Variants in KAZN observed in about 807,000 individuals in gnomAD.
The protein encoded by KAZN is kazrin.
In KAZN, 40 loss-of-function variants were observed where a neutral mutation model predicts 87.4. The observed-to-expected ratio is 0.46, with a 90% CI of 0.36 to 0.60. KAZN has a LOEUF of 0.60. KAZN is among the 20% of genes least tolerant of loss of function. The probability of loss-of-function intolerance (pLI) is 0.00; values close to 1 mark genes in which losing one functional copy is unlikely to be tolerated. For missense variants in KAZN, 898 were observed against 1,073.9 expected, an observed-to-expected ratio of 0.84 and a Z score of 2.29; for synonymous variants, 466 against 458.3, an observed-to-expected ratio of 1.02 and a Z score of -0.22.
chr1:14,237,559 A>G (rs1199995798), intron 2 of KAZN, among the ~76,000 whole-genome samples: 2 of 152,196 alleles, frequency 1.3e-5, no homozygotes, highest in Admixed American at 6.5e-5. Context: ...GCAATGAGAG[A>G]GAATACTCTG....
chr1:15,040,951 G>C (rs115880263), intron 3 of KAZN, among the ~76,000 whole-genome samples: 7,490 of 151,270 alleles, frequency 0.05, 254 homozygotes, highest in Middle Eastern at 0.11. Context: ...TTTGTTTTTT[G>C]TTTTTTTTAT....
At chr1:15,026,333 G>A (rs1671156932) in intron 2 of KAZN, among the ~76,000 whole-genome samples, 1 of 152,214 alleles carries the variant, frequency 6.6e-6, no homozygotes, top group Non-Finnish European at 1.5e-5. Context: ...AGACGATCAT[G>A]CACAGCTTAA....
At chr1:14,623,481 G>A (rs901544765) in intron 1 of KAZN, among the ~76,000 whole-genome samples, 5 of 152,186 alleles carry the variant, frequency 3.3e-5, no homozygotes, top group South Asian at 2.1e-4. Flanking sequence ...GTGGAGGATC[G>A]GAGGAGGGAG....
intron 2 of KAZN, among the ~76,000 whole-genome samples, chr1:14,261,427 G>T (rs1388021256): frequency 6.6e-6 from 1 of 152,136 alleles, no homozygotes; most frequent in Non-Finnish European, 1.5e-5. Flanking sequence ...AGATACGCTG[G>T]GTCCTCAGGA....
chr1:14,296,932 G>A (rs1400681388), intron 2 of KAZN, among the ~76,000 whole-genome samples: 2 of 152,038 alleles, frequency 1.3e-5, no homozygotes, highest in Non-Finnish European at 2.9e-5. Flanking sequence ...CTTAAAAGGT[G>A]AGTCATGTTA....
intron 1 of KAZN, among the ~76,000 whole-genome samples, chr1:14,905,985 G>A (rs147928390): frequency 4.4e-4 from 67 of 151,218 alleles, no homozygotes; most frequent in African/African-American, 1.6e-3. Context: ...TGGCCAACAC[G>A]GTGAGACCCC....
At chr1:14,530,839 C>T (rs544596059) in intron 2 of KAZN, among the ~76,000 whole-genome samples, 2 of 152,244 alleles carry the variant, frequency 1.3e-5, no homozygotes, top group South Asian at 2.1e-4. Flanking sequence ...AATCCCAGCA[C>T]GTTGGGAGGC....
chr1:14,412,895 CAG>C (rs1435550919), intron 2 of KAZN, among the ~76,000 whole-genome samples: 2 of 150,270 alleles, frequency 1.3e-5, no homozygotes, highest in South Asian at 2.1e-4. Context: ...GATATGGACT[CAG>C]AAATAAATCA....
In KAZN at chr1:15,055,255, T is replaced by C. The variant is rs1412273094; in HGVS notation, c.727-836T>C. Among the ~76,000 whole-genome samples, 3 of 152,302 alleles carry C rather than the reference T, an allele frequency of 2.0e-5. No homozygotes were observed. The East Asian group carries it at 5.8e-4, about 29-fold the overall frequency. ...ACTTTGGGAGGCCGAGGCAGGTGGA[T>C]CACTTGAGGTCAGGAGTTCAAGACC... On this transcript the variant is annotated intron_variant, in intron 4 of 14. Coordinates refer to ENST00000376030, the MANE Select transcript of KAZN (RefSeq NM_201628.3).
chr1:15,036,648 G>C (rs1672368074), intron 3 of KAZN, among the ~76,000 whole-genome samples: 1 of 152,148 alleles, frequency 6.6e-6, no homozygotes, highest in African/African-American at 2.4e-5. Flanking sequence ...TGTCTCAGCA[G>C]CATTGCCTTT....
At chr1:14,099,733 C>T (rs902168102) in intron 1 of KAZN, among the ~76,000 whole-genome samples, 2 of 152,198 alleles carry the variant, frequency 1.3e-5, no homozygotes, top group Non-Finnish European at 2.9e-5. Context: ...CTTGCTTCCT[C>T]CCCTGCCTTT....
chr1:14,394,472 GTAA>G (rs1277443601), intron 2 of KAZN, among the ~76,000 whole-genome samples: 2 of 152,334 alleles, frequency 1.3e-5, no homozygotes, highest in African/African-American at 4.8e-5. Context: ...TCAACATTAT[GTAA>G]TAATAAGTGA....
chr1:14,997,204 CATTTATTT>C (rs35436643), intron 2 of KAZN, among the ~76,000 whole-genome samples: 2,600 of 120,792 alleles, frequency 0.022, 26 homozygotes, highest in Middle Eastern at 0.034. Flanking sequence ...TTCTTTCTTT[CATTTATTT>C]ATTTATTTAT....
At chr1:14,841,776 A>G (rs1648048543) in intron 1 of KAZN, among the ~76,000 whole-genome samples, 1 of 152,192 alleles carries the variant, frequency 6.6e-6, no homozygotes, top group Admixed American at 6.5e-5. Flanking sequence ...ACTGACATCA[A>G]GGCCTCCCTG....
intron 2 of KAZN, among the ~76,000 whole-genome samples, chr1:14,197,721 C>A (rs564781002): frequency 3.3e-5 from 5 of 152,146 alleles, no homozygotes; most frequent in African/African-American, 1.2e-4. Flanking sequence ...AAAAGAAAAA[C>A]CACCACTACC....
chr1:14,320,443 T>C (rs932281804), intron 2 of KAZN, among the ~76,000 whole-genome samples: 79 of 152,214 alleles, frequency 5.2e-4, no homozygotes, highest in African/African-American at 1.9e-3. Flanking sequence ...TCTTTTCTCA[T>C]GTTAGGCTTA....
intron 1 of KAZN, among the ~76,000 whole-genome samples, chr1:14,673,593 A>G (rs1482581820): frequency 1.3e-5 from 2 of 152,108 alleles, no homozygotes; most frequent in East Asian, 3.9e-4. Context: ...TGGAGAAGGA[A>G]GACGTGTTGT....
chr1:14,251,349 G>A (rs1388241106), intron 2 of KAZN, among the ~76,000 whole-genome samples: 2 of 152,156 alleles, frequency 1.3e-5, no homozygotes. Context: ...CCCCGGCATA[G>A]CCTTGTCCTT....
intron 2 of KAZN, among the ~76,000 whole-genome samples, chr1:14,370,935 T>G (rs565672002): frequency 6.6e-6 from 1 of 152,278 alleles, no homozygotes; most frequent in Admixed American, 6.5e-5. Context: ...TCCACCCACC[T>G]CAGCCTCCCA....
Sources: gnomAD v4.1 joint callset for allele counts (sites outside exome capture counted in the v4.1 genomes callset) on GRCh38, gnomAD v4.1.1 for gene constraint, MANE v1.5 for transcripts, NCBI Gene and HGNC (gene_info 2026-07-23, HGNC 2026-07-21) for gene names.